Variants in NR3C2 observed in about 807,000 individuals in gnomAD.
NR3C2 encodes nuclear receptor subfamily 3 group C member 2.
A neutral mutation model predicts 86.4 loss-of-function variants in NR3C2; 15 were observed. The observed-to-expected ratio is 0.17, with a 90% confidence interval of 0.12 to 0.27. The LOEUF (loss-of-function observed/expected upper bound fraction) is 0.27, where lower values mean the gene tolerates loss of function less well. NR3C2 is among the 10% of genes least tolerant of loss of function. The pLI is 1.00. For synonymous variants in NR3C2, 458 were observed against 450.5 expected (o/e 1.02, Z -0.21); for missense variants, 960 against 1,195.6 (o/e 0.80, Z 2.91).
intron 2 of NR3C2, among the ~76,000 whole-genome samples, chr4:148,273,136 TA>T (rs901027366): frequency 6.6e-6 from 1 of 152,146 alleles, no homozygotes; most frequent in African/African-American, 2.4e-5. Flanking sequence ...TGGAAATACC[TA>T]AAGTCAGATG....
At chr4:148,327,038 T>C (rs1744003934) in intron 2 of NR3C2, among the ~76,000 whole-genome samples, 1 of 152,210 alleles carries the variant, frequency 6.6e-6, no homozygotes, top group Admixed American at 6.5e-5. Context: ...ATAAGAATTA[T>C]TTTTGATTAT....
At position 148,115,028 on chromosome 4, in the gene NR3C2, G is replaced by C. The variant is rs142900015; in HGVS notation, c.2642-767C>G. The stretch of plus-strand genomic sequence containing the variant: ...TGGCAAGTTAGGATTCACGTACACT[G>C]GTTTATGCGTGTGAGGGGGGAACAA... On this transcript the variant is annotated intron_variant, in intron 7 of 8. Coordinates refer to ENST00000358102, the MANE Select transcript of NR3C2 (RefSeq NM_000901.5). Among the ~76,000 whole-genome samples, 607 of 152,278 alleles carry C rather than the reference G, an allele frequency of 4.0e-3. 5 individuals carry two copies. The highest frequency in any genetic ancestry group is 0.014 in the African/African-American group (576 of 41,558).
intron 2 of NR3C2, among the ~76,000 whole-genome samples, chr4:148,264,036 T>A (rs190109207): frequency 1.3e-5 from 2 of 152,264 alleles, no homozygotes; most frequent in African/African-American, 4.8e-5. Context: ...CTCATTACAG[T>A]AGAACATAAA....
intron 8 of NR3C2, among the ~76,000 whole-genome samples, chr4:148,103,472 C>T (rs1362714725): frequency 6.6e-6 from 1 of 152,220 alleles, no homozygotes; most frequent in African/African-American, 2.4e-5. Context: ...CAGGGCCACT[C>T]AGTAGCCCTT....
At position 148,190,315 on chromosome 4, in the gene NR3C2, G is replaced by A. The variant is rs1736136168; in HGVS notation, c.2014+4431C>T. Among the ~76,000 whole-genome samples the A allele has an allele frequency of 2.6e-5, 4 of 152,084 alleles. No homozygotes were observed. The South Asian group carries it at 8.3e-4, about 31-fold the overall frequency. ...TGACCCAATGCTCATTCAGGAGCAG[G>A]TTAATTTCCATGTATTTGTATGGTT... On this transcript the variant is annotated intron_variant, in intron 4 of 8. Transcript: ENST00000358102.
intron 2 of NR3C2, among the ~76,000 whole-genome samples, chr4:148,346,921 G>C (rs1211381707): frequency 2.0e-5 from 3 of 152,098 alleles, no homozygotes; most frequent in African/African-American, 7.2e-5. Flanking sequence ...ATGAGAGTTT[G>C]TCTCTGATAG....
At chr4:148,179,320 A>G (rs1030041594) in intron 4 of NR3C2, among the ~76,000 whole-genome samples, 5 of 151,662 alleles carry the variant, frequency 3.3e-5, no homozygotes, top group African/African-American at 9.7e-5. Flanking sequence ...TCCTATGCCC[A>G]AAAAGTCTGA....
intron 3 of NR3C2, among the ~76,000 whole-genome samples, chr4:148,219,947 G>C (rs1346560490): frequency 2.0e-5 from 3 of 152,064 alleles, no homozygotes; most frequent in African/African-American, 7.2e-5. Context: ...GTTTGAGACA[G>C]AGTCTCACTC....
chr4:148,180,404 C>CT (rs1389161013), intron 4 of NR3C2, among the ~76,000 whole-genome samples: 6 of 146,650 alleles, frequency 4.1e-5, no homozygotes, highest in Non-Finnish European at 9.3e-5. Flanking sequence ...TTTAAAAAAT[C>CT]TTTTTTCCTC....
intron 6 of NR3C2, among the ~76,000 whole-genome samples, chr4:148,137,289 T>G (rs898967346): frequency 2.6e-5 from 4 of 152,166 alleles, no homozygotes; most frequent in African/African-American, 9.6e-5. Flanking sequence ...AGGGGAGTCC[T>G]AGGCTCAGAC....
At chr4:148,215,954 G>C (rs532790479) in intron 3 of NR3C2, among the ~76,000 whole-genome samples, 1 of 151,230 alleles carries the variant, frequency 6.6e-6, no homozygotes, top group East Asian at 1.9e-4. Flanking sequence ...TATTTTTTTT[G>C]TGTGTGTGTG....
At chr4:148,123,040 T>C (rs1017222044) in intron 6 of NR3C2, among the ~76,000 whole-genome samples, 7 of 152,160 alleles carry the variant, frequency 4.6e-5, no homozygotes, top group African/African-American at 1.7e-4. Flanking sequence ...AGGAAATATA[T>C]CACTAAATTC....
At chr4:148,209,893 A>G (rs560814571) in intron 3 of NR3C2, among the ~76,000 whole-genome samples, 25 of 152,264 alleles carry the variant, frequency 1.6e-4, no homozygotes, top group Non-Finnish European at 3.4e-4. Context: ...CCAATCCATG[A>G]TACTGGCCTG....
chr4:148,391,728 A>T (rs1239277135), intron 2 of NR3C2, among the ~76,000 whole-genome samples: 1 of 151,952 alleles, frequency 6.6e-6, no homozygotes, highest in Non-Finnish European at 1.5e-5. Context: ...TTAGCTGGGC[A>T]TGGTGATGCA....
At chr4:148,411,528 C>T (rs1012805787) in intron 2 of NR3C2, among the ~76,000 whole-genome samples, 1 of 152,160 alleles carries the variant, frequency 6.6e-6, no homozygotes, top group Non-Finnish European at 1.5e-5. Context: ...ATTATATGCA[C>T]ACATAAACAA....
intron 2 of NR3C2, among the ~76,000 whole-genome samples, chr4:148,430,235 A>C (rs965054950): frequency 2.0e-5 from 3 of 152,170 alleles, no homozygotes; most frequent in Non-Finnish European, 2.9e-5. Flanking sequence ...ATTTGAGGTT[A>C]TCTAACTGAA....
intron 2 of NR3C2, among the ~76,000 whole-genome samples, chr4:148,358,755 G>C (rs112150422): frequency 3.9e-4 from 60 of 152,076 alleles, no homozygotes; most frequent in African/African-American, 1.3e-3. Context: ...AAAAAGGCTT[G>C]CATTTTCAAC....
At chr4:148,250,164 C>G (rs1739508345) in intron 3 of NR3C2, among the ~76,000 whole-genome samples, 1 of 151,960 alleles carries the variant, frequency 6.6e-6, no homozygotes, top group South Asian at 2.1e-4. Flanking sequence ...TCTCTTTTTC[C>G]TATCTAACAA....
chr4:148,280,097 A>T (rs1741159602), intron 2 of NR3C2, among the ~76,000 whole-genome samples: 1 of 152,254 alleles, frequency 6.6e-6, no homozygotes, highest in Non-Finnish European at 1.5e-5. Flanking sequence ...ATCTGTTTGC[A>T]TCAGGAAAAT....
Sources: allele counts gnomAD v4.1 joint callset (sites outside exome capture counted in the v4.1 genomes callset), GRCh38; gene constraint gnomAD v4.1.1; transcripts MANE v1.5; gene names NCBI Gene and HGNC (gene_info 2026-07-23, HGNC 2026-07-21).